SMIM13: variants seen among roughly 807,000 people sequenced by gnomAD.
SMIM13 encodes UPF0766 protein C6orf228.
SMIM13 carries 3 observed loss-of-function variants against 5.9 expected under a neutral mutation model. The ratio of observed to expected loss-of-function variants is 0.51; its 90% CI spans 0.23 to 1.31. The LOEUF (loss-of-function observed/expected upper bound fraction) is 1.31, where lower values mean the gene tolerates loss of function less well. Ranked by LOEUF, SMIM13 falls within the 40% of genes most tolerant of loss-of-function variation. SMIM13 has a pLI of 0.18. For missense variants in SMIM13, 85 were observed against 109.9 expected (o/e 0.77, Z 1.01); for synonymous variants, 55 against 46.0 (o/e 1.19, Z -0.79).
intron 1 of SMIM13, among the ~76,000 whole-genome samples, chr6:11,100,978 A>G (rs1581909804): frequency 7.2e-6 from 1 of 138,358 alleles, no homozygotes; most frequent in Non-Finnish European, 1.6e-5. Flanking sequence ...TTTTTTCCTC[A>G]TTTGTGGAGA....
In SMIM13 at chr6:11,108,125, G is replaced by C. The variant is rs146903678; in HGVS notation, c.76+13736G>C. On this transcript the variant is annotated intron_variant, in intron 1 of 1. Transcript: ENST00000416247. Reference sequence around the variant, plus strand: ...ATATCTCTACCCAAAAGGTATGTAGGGTATTCTGGCATCACTAAAAATGAA... The same window carrying C: ...ATATCTCTACCCAAAAGGTATGTAGCGTATTCTGGCATCACTAAAAATGAA... 1.1e-4 allele frequency among the ~76,000 whole-genome samples: 16 copies of C among 152,258 alleles called. No homozygotes were observed. The East Asian group carries it at 3.1e-3, about 29-fold the overall frequency.
At chr6:11,117,936 A>G (rs1758263145) in intron 1 of SMIM13, among the ~76,000 whole-genome samples, 1 of 152,072 alleles carries the variant, frequency 6.6e-6, no homozygotes, top group Non-Finnish European at 1.5e-5. Flanking sequence ...GAGTTTCACC[A>G]TGTTGGCCAG....
At chr6:11,110,685 A>G (rs1758153913) in intron 1 of SMIM13, among the ~76,000 whole-genome samples, 1 of 152,222 alleles carries the variant, frequency 6.6e-6, no homozygotes, top group East Asian at 1.9e-4. Flanking sequence ...AGCGGGAGGA[A>G]GCAAGAGGAA....
chr6:11,100,468 C>G (rs1268830934), intron 1 of SMIM13, among the ~76,000 whole-genome samples: 1 of 152,148 alleles, frequency 6.6e-6, no homozygotes, highest in South Asian at 2.1e-4. Flanking sequence ...CTCCTTCCCC[C>G]ACCCAGATCC....
At chr6:11,118,854 C>T (rs568508789) in intron 1 of SMIM13, among the ~76,000 whole-genome samples, 1 of 152,182 alleles carries the variant, frequency 6.6e-6, no homozygotes, top group Non-Finnish European at 1.5e-5. Context: ...TTACCACATA[C>T]CCTTTGAGAA....
Position 11,137,181 on chromosome 6 carries a change from T to TACCTAAAAGCATACTAGTTA in SMIM13, c.*2580_*2599dup, listed in dbSNP as rs941576714. ...AATACTCTATTTAACTTGTGAAATA[T>TACCTAAAAGCATACTAGTTA]ACCTAAAAGCATACTAGTTAGCTCT... is the stretch of plus-strand genomic sequence containing the variant. On this transcript the variant is annotated 3_prime_UTR_variant, in exon 2 of 2. Coordinates refer to ENST00000416247, the MANE Select transcript of SMIM13 (RefSeq NM_001135575.2). 6.6e-5 allele frequency: 10 copies of TACCTAAAAGCATACTAGTTA among 152,164 alleles called. No individual in the cohort carries two copies. Among genetic ancestry groups the TACCTAAAAGCATACTAGTTA allele is most frequent in the Admixed American group, 3.9e-4 (6 of 15,266 alleles). The allele number at this position is 152,164 out of a possible 1,614,324, so 9.4% of individuals were successfully genotyped here.
At chr6:11,104,481 C>A in intron 1 of SMIM13, 3 of 1,553,284 alleles carry the variant, frequency 1.9e-6, no homozygotes, top group Non-Finnish European at 2.6e-6. Context: ...GAGGGAGGTT[C>A]CAAAAAATTC....
chr6:11,126,810 C>A (rs1473442845), intron 1 of SMIM13, among the ~76,000 whole-genome samples: 5 of 152,142 alleles, frequency 3.3e-5, no homozygotes, highest in African/African-American at 9.7e-5. Flanking sequence ...GGCATTGTGA[C>A]CTAAGTCTTT....
intron 1 of SMIM13, among the ~76,000 whole-genome samples, chr6:11,120,919 G>C (rs1314785810): frequency 1.3e-5 from 2 of 152,184 alleles, no homozygotes; most frequent in East Asian, 3.8e-4. Flanking sequence ...TGGGTTTGTG[G>C]TGTGTTGATA....
At chr6:11,112,041 C>T (rs534434411) in intron 1 of SMIM13, among the ~76,000 whole-genome samples, 13 of 152,278 alleles carry the variant, frequency 8.5e-5, no homozygotes, top group African/African-American at 3.1e-4. Context: ...CACCAGCTTC[C>T]GGTGTTTCCT....
At chr6:11,114,926 A>T (rs1561756134) in intron 1 of SMIM13, among the ~76,000 whole-genome samples, 1 of 152,112 alleles carries the variant, frequency 6.6e-6, no homozygotes, top group Non-Finnish European at 1.5e-5. Context: ...AAGTCTGTTA[A>T]TATGGTGGAT....
chr6:11,103,475 C>A (rs535592939), intron 1 of SMIM13: 105 of 634,000 alleles, frequency 1.7e-4, no homozygotes, highest in Admixed American at 8.1e-4. Flanking sequence ...AGTCCAAGAC[C>A]CAATTATCTG....
In SMIM13 at chr6:11,113,970, C is replaced by CT. The variant is rs558822118; in HGVS notation, c.76+19586dup. On this transcript the variant is annotated intron_variant, in intron 1 of 1. Transcript: ENST00000416247. ...TTAAGGTATGACATATAAAGTTATT[C>CT]TTTTTGTTTTTTTTTTTTAATTTTT... Among the ~76,000 whole-genome samples, 1,062 of 144,332 alleles carry CT rather than the reference C, an allele frequency of 7.4e-3. 25 individuals are homozygous for CT. Among genetic ancestry groups the CT allele is most frequent in the African/African-American group, 0.024 (930 of 38,748 alleles). 94.7% of individuals were successfully genotyped at this position (144,332 alleles called of 152,430 possible).
intron 1 of SMIM13, among the ~76,000 whole-genome samples, chr6:11,120,334 TG>T (rs1330569732): frequency 6.6e-6 from 1 of 152,206 alleles, no homozygotes; most frequent in Non-Finnish European, 1.5e-5. Flanking sequence ...TCTAGAGGGC[TG>T]GGAAATCCAA....
At chr6:11,116,520 A>G (rs1758242607) in intron 1 of SMIM13, among the ~76,000 whole-genome samples, 1 of 152,188 alleles carries the variant, frequency 6.6e-6, no homozygotes, top group East Asian at 1.9e-4. Context: ...TTCAACTACA[A>G]ATTCTGTTTC....
intron 1 of SMIM13, among the ~76,000 whole-genome samples, chr6:11,111,169 C>T (rs576271868): frequency 1.3e-5 from 2 of 152,170 alleles, no homozygotes; most frequent in Non-Finnish European, 2.9e-5. Context: ...GCAAGAGCTG[C>T]GGGTGCATGA....
intron 1 of SMIM13, among the ~76,000 whole-genome samples, chr6:11,133,008 A>T (rs1758470741): frequency 6.6e-6 from 1 of 152,202 alleles, no homozygotes; most frequent in Admixed American, 6.5e-5. Context: ...ACATCAATTG[A>T]GCATTTTAGA....
chr6:11,104,441 T>A lies in SMIM13; in HGVS notation c.76+10052T>A, dbSNP rs184878901. The A allele has an allele frequency of 4.5e-6, 7 of 1,551,698 alleles. No individual in the cohort carries two copies. The African/African-American group carries it at 9.6e-5, about 21-fold the overall frequency. On this transcript the variant is annotated intron_variant, in intron 1 of 1. Transcript: ENST00000416247. ...AAAAGGCTCCTTGAGTTTTAAGGCA[T>A]GTAGAGATATGGAAATGAAATAAGG...
intron 1 of SMIM13, among the ~76,000 whole-genome samples, 187 bp downstream of exon 1, chr6:11,094,576 C>G (rs1215374117): frequency 2.6e-5 from 4 of 152,196 alleles, no homozygotes; most frequent in African/African-American, 4.8e-5. Flanking sequence ...ATGGCCGGCC[C>G]TCGGGCATCC....
Sources: gnomAD v4.1 joint callset for allele counts (sites outside exome capture counted in the v4.1 genomes callset) on GRCh38, gnomAD v4.1.1 for gene constraint, MANE v1.5 for transcripts, NCBI Gene and HGNC (gene_info 2026-07-23, HGNC 2026-07-21) for gene names.